The following PDLIM5 variants were observed in gnomAD, a reference collection of about 807,000 sequenced individuals.
PDLIM5 encodes the protein PDZ and LIM domain protein 5.
Under a neutral mutation model 64.2 loss-of-function variants are expected in PDLIM5, and 34 were observed. That is an observed-to-expected ratio of 0.53 (90% confidence interval 0.40 to 0.71). PDLIM5 has a LOEUF of 0.71. Ranked by LOEUF, PDLIM5 falls within the 30% of genes least tolerant of loss-of-function variation. The pLI, the probability that PDLIM5 is intolerant of heterozygous loss-of-function variation, is 0.00. For synonymous variants in PDLIM5, 253 were observed against 269.1 expected (o/e 0.94, Z 0.59); for missense variants, 683 against 733.6 (o/e 0.93, Z 0.80).
chr4:94,646,948 T>G (rs1158614231), intron 9 of PDLIM5, among the ~76,000 whole-genome samples: 1 of 152,206 alleles, frequency 6.6e-6, no homozygotes, highest in Admixed American at 6.5e-5. Context: ...CTGCTGTTTC[T>G]CTAATATGTT....
At chr4:94,467,548 G>A (rs957088337) in intron 2 of PDLIM5, among the ~76,000 whole-genome samples, 3 of 151,932 alleles carry the variant, frequency 2.0e-5, no homozygotes, top group African/African-American at 7.3e-5. Flanking sequence ...TCCTGACCTC[G>A]TGATCCACCC....
chr4:94,500,923 C>T (rs910675049), intron 2 of PDLIM5, among the ~76,000 whole-genome samples: 1 of 151,692 alleles, frequency 6.6e-6, no homozygotes, highest in African/African-American at 2.4e-5. Flanking sequence ...ACTGAGACTA[C>T]AGGCATGTGT....
chr4:94,627,106 A>C (rs574612462), intron 8 of PDLIM5, among the ~76,000 whole-genome samples: 2 of 152,254 alleles, frequency 1.3e-5, no homozygotes, highest in African/African-American at 4.8e-5. Context: ...ATCTCTTCTA[A>C]TAATGTTTTA....
At chr4:94,641,113 G>A (rs1004209580) in intron 9 of PDLIM5, among the ~76,000 whole-genome samples, 2 of 152,220 alleles carry the variant, frequency 1.3e-5, no homozygotes, top group African/African-American at 4.8e-5. Context: ...GTTAGGTGGT[G>A]TAGGCACCAG....
chr4:94,490,568 C>T (rs186734229), intron 2 of PDLIM5, among the ~76,000 whole-genome samples: 1 of 152,178 alleles, frequency 6.6e-6, no homozygotes, highest in Admixed American at 6.5e-5. Flanking sequence ...CATGTATTCT[C>T]ATTTTAAAAC....
At chr4:94,493,062 G>T (rs561708154) in intron 2 of PDLIM5, among the ~76,000 whole-genome samples, 1 of 152,164 alleles carries the variant, frequency 6.6e-6, no homozygotes. Flanking sequence ...ATCTTGGTGA[G>T]CATGAAGTGG....
intron 7 of PDLIM5, among the ~76,000 whole-genome samples, chr4:94,594,247 T>A (rs1736888053): frequency 1.3e-5 from 2 of 152,130 alleles, no homozygotes; most frequent in African/African-American, 4.8e-5. Flanking sequence ...AGTGAAAGAC[T>A]TTTTTTCATT....
intron 9 of PDLIM5, among the ~76,000 whole-genome samples, chr4:94,647,960 GC>G (rs1741547898): frequency 6.6e-6 from 1 of 152,166 alleles, no homozygotes; most frequent in Non-Finnish European, 1.5e-5. Flanking sequence ...AATACTTTGA[GC>G]TGAATGAAAA....
intron 2 of PDLIM5, among the ~76,000 whole-genome samples, chr4:94,505,660 C>T (rs1299665165): frequency 6.6e-6 from 1 of 152,140 alleles, no homozygotes; most frequent in Admixed American, 6.5e-5. Flanking sequence ...TCACAAAACT[C>T]AGGGAAACAC....
At chr4:94,618,919 C>G in intron 8 of PDLIM5, among the ~76,000 whole-genome samples, 1 of 152,184 alleles carries the variant, frequency 6.6e-6, no homozygotes, top group South Asian at 2.1e-4. Flanking sequence ...ATCTCAGACT[C>G]AGCCTTCATC....
At chr4:94,657,616 T>A in intron 11 of PDLIM5, 69 bp downstream of exon 11, 2 of 1,160,104 alleles carry the variant, frequency 1.7e-6, no homozygotes, top group Non-Finnish European at 2.5e-6. Flanking sequence ...TATATTACTA[T>A]AAAGCTCAAG....
intron 5 of PDLIM5, chr4:94,577,432 G>A (rs549988790): frequency 4.4e-6 from 2 of 452,174 alleles, no homozygotes; most frequent in Non-Finnish European, 8.9e-6. Flanking sequence ...CTGTACATAC[G>A]GTCTTGAGGT....
chr4:94,661,776 T>G (rs934958682), intron 11 of PDLIM5, among the ~76,000 whole-genome samples: 2 of 152,182 alleles, frequency 1.3e-5, no homozygotes, highest in Non-Finnish European at 2.9e-5. Flanking sequence ...TCCTTTGTAT[T>G]TCTTCAGAAC....
chr4:94,577,371 G>C (rs1185897410), intron 5 of PDLIM5: 1 of 456,480 alleles, frequency 2.2e-6, no homozygotes, highest in Non-Finnish European at 4.4e-6. Flanking sequence ...CAAAACTCCA[G>C]GCTGCTGCTG....
chr4:94,517,337 A>G (rs1729450835), intron 2 of PDLIM5, among the ~76,000 whole-genome samples: 2 of 152,226 alleles, frequency 1.3e-5, no homozygotes, highest in African/African-American at 4.8e-5. Flanking sequence ...TGGGAGAGAG[A>G]TAACTAGAAA....
At chr4:94,457,851 C>G (rs1723517886) in intron 2 of PDLIM5, among the ~76,000 whole-genome samples, 1 of 152,190 alleles carries the variant, frequency 6.6e-6, no homozygotes, top group Non-Finnish European at 1.5e-5. Context: ...TTTGAACATA[C>G]TGATTAAAAG....
At chr4:94,617,323 AAC>A (rs1738858612) in intron 7 of PDLIM5, among the ~76,000 whole-genome samples, 1 of 152,226 alleles carries the variant, frequency 6.6e-6, no homozygotes, top group African/African-American at 2.4e-5. Context: ...TTAAACAGGT[AAC>A]TCTTGGTTGA....
chr4:94,586,753 C>T (rs987171455), intron 7 of PDLIM5, among the ~76,000 whole-genome samples: 13 of 152,064 alleles, frequency 8.5e-5, no homozygotes, highest in African/African-American at 3.1e-4. Flanking sequence ...GTCTTGCAGT[C>T]ACTTTATTTT....
rs58356643 is a variant in PDLIM5 at position 94,511,598 on chromosome 4, AACAC to A, written c.97-12105_97-12102del. ...TTTTTACTCATCAGACATCCCCCCCAACACACACACACACACACACACACCCCTC... is the reference window on the plus strand; with the variant it reads ...TTTTTACTCATCAGACATCCCCCCCAACACACACACACACACACACCCCTC... On this transcript the variant is annotated intron_variant, in intron 2 of 12. Transcript: ENST00000317968. 8.5e-3 allele frequency among the ~76,000 whole-genome samples: 1,272 copies of A among 149,250 alleles called. 16 individuals are homozygous for A. Among genetic ancestry groups the A allele is most frequent in the African/African-American group, 0.029 (1,165 of 40,636 alleles).
Sources: gnomAD v4.1 joint callset for allele counts (sites outside exome capture counted in the v4.1 genomes callset) on GRCh38, gnomAD v4.1.1 for gene constraint, MANE v1.5 for transcripts, NCBI Gene and HGNC (gene_info 2026-07-23, HGNC 2026-07-21) for gene names.